Variants in CDKN2B-AS1 observed in about 807,000 individuals in gnomAD.
CDKN2B-AS1 encodes the protein CDKN2B antisense RNA 1 (non-protein coding).
intron 1 of CDKN2B-AS1, among the ~76,000 whole-genome samples, chr9:22,021,089 A>G (rs1401421818): frequency 6.6e-6 from 1 of 152,198 alleles, no homozygotes. Flanking sequence ...AATCTTCTGC[A>G]TATGGCTAGC....
intron 4 of CDKN2B-AS1, among the ~76,000 whole-genome samples, chr9:22,112,843 C>T (rs1320950488): frequency 6.6e-6 from 1 of 152,016 alleles, no homozygotes; most frequent in Non-Finnish European, 1.5e-5. Flanking sequence ...TAAAAGTCCA[C>T]AAGTTCAGAA....
In CDKN2B-AS1 at chr9:22,005,972, C is replaced by T. The variant is rs2131179992; in HGVS notation, n.29+10811C>T. On this transcript the variant is annotated intron_variant and non_coding_transcript_variant, in intron 1 of 4. Transcript: ENST00000650946. The surrounding 1 kb of genome is among the most constrained non-coding windows in gnomAD (Gnocchi z 4.9). ...AAGAAAATAAAGTCGTTGTGGGCGGCTGGGGAACCTGGCGTCAGTCCCCCG... is the reference window on the plus strand; with the variant it reads ...AAGAAAATAAAGTCGTTGTGGGCGGTTGGGGAACCTGGCGTCAGTCCCCCG... 1 of 1,600,234 alleles carries T rather than the reference C, an allele frequency of 6.2e-7. No individual in the cohort carries two copies. The highest frequency in any genetic ancestry group is 8.5e-7 in the Non-Finnish European group (1 of 1,179,672).
intron 4 of CDKN2B-AS1, among the ~76,000 whole-genome samples, chr9:22,123,367 G>A (rs190255850): frequency 6.6e-6 from 1 of 152,206 alleles, no homozygotes; most frequent in African/African-American, 2.4e-5. Context: ...AGTTGCTTGG[G>A]CTAGGACTTC....
intron 1 of CDKN2B-AS1, among the ~76,000 whole-genome samples, chr9:22,028,616 A>C (rs967929377): frequency 6.6e-6 from 1 of 152,162 alleles, no homozygotes; most frequent in Non-Finnish European, 1.5e-5. Context: ...TTTCAAAACA[A>C]ATTAAAATCA....
intron 4 of CDKN2B-AS1, among the ~76,000 whole-genome samples, chr9:22,087,558 G>C (rs1824907531): frequency 6.6e-6 from 1 of 152,176 alleles, no homozygotes; most frequent in African/African-American, 2.4e-5. Context: ...GAAATGCCTA[G>C]TGGAAATTTC....
intron 1 of CDKN2B-AS1, among the ~76,000 whole-genome samples, chr9:22,026,073 C>T (rs1471232931): frequency 1.3e-5 from 2 of 149,830 alleles, no homozygotes; most frequent in African/African-American, 2.5e-5. Context: ...TGATGAGGAA[C>T]GGGATTGGGG....
At chr9:22,059,097 C>T (rs1000092802) in intron 4 of CDKN2B-AS1, 10 of 152,434 alleles carry the variant, frequency 6.6e-5, no homozygotes, top group African/African-American at 2.2e-4. Flanking sequence ...TAATTTCACC[C>T]CTGGCCCCTC....
At chr9:22,033,914 G>T (rs548871606) in intron 1 of CDKN2B-AS1, among the ~76,000 whole-genome samples, 5 of 152,118 alleles carry the variant, frequency 3.3e-5, no homozygotes, top group Non-Finnish European at 7.4e-5. Context: ...ATATTGCATT[G>T]AGGCTTAAAG....
At chr9:22,110,906 AAATTTGATGTAAATGT>A in intron 4 of CDKN2B-AS1, among the ~76,000 whole-genome samples, 1 of 152,180 alleles carries the variant, frequency 6.6e-6, no homozygotes, top group Middle Eastern at 3.4e-3. Flanking sequence ...ACTTGTTTTT[AAATTTGATGTAAATGT>A]AATCCTATAG....
chr9:22,117,083 A>C (rs932274791), intron 4 of CDKN2B-AS1, among the ~76,000 whole-genome samples: 4 of 152,238 alleles, frequency 2.6e-5, no homozygotes, highest in African/African-American at 9.6e-5. Flanking sequence ...AATGTTATGC[A>C]TCTTATGCAT....
In CDKN2B-AS1 at chr9:22,114,496, A is replaced by C. The variant is rs10738609; in HGVS notation, n.439-12607A>C. On this transcript the variant is annotated intron_variant and non_coding_transcript_variant, in intron 4 of 4. Coordinates refer to ENST00000650946, the Ensembl canonical transcript of CDKN2B-AS1. ...TGGCTACTATGTAAGACTCATCCCC[A>C]TGAAGGAGAAAGGAGAGGAAGGCAA... Among the ~76,000 whole-genome samples the C allele has an allele frequency of 2.3e-3, 343 of 152,150 alleles. 1 individual carries two copies. The highest frequency in any genetic ancestry group is 0.017 in the Middle Eastern group (5 of 294).
At chr9:22,122,075 T>G (rs1587557113) in intron 4 of CDKN2B-AS1, among the ~76,000 whole-genome samples, 1 of 147,842 alleles carries the variant, frequency 6.8e-6, no homozygotes, top group East Asian at 2.0e-4. Flanking sequence ...TTTTTTTTTG[T>G]CTCTTTGACA....
At chr9:22,083,427 G>C (rs1824766129) in intron 4 of CDKN2B-AS1, among the ~76,000 whole-genome samples, 1 of 152,142 alleles carries the variant, frequency 6.6e-6, no homozygotes, top group South Asian at 2.1e-4. Context: ...CAGAGAGGAA[G>C]GTACAGATAT....
At chr9:22,064,407 G>C (rs904930957) in intron 4 of CDKN2B-AS1, among the ~76,000 whole-genome samples, 6 of 152,104 alleles carry the variant, frequency 3.9e-5, no homozygotes, top group African/African-American at 1.4e-4. Context: ...ATTGGGGATG[G>C]GGTCTTTCAC....
At chr9:22,011,597 G>A (rs1169865123) in intron 1 of CDKN2B-AS1, among the ~76,000 whole-genome samples, 1 of 152,108 alleles carries the variant, frequency 6.6e-6, no homozygotes, top group Admixed American at 6.5e-5. Flanking sequence ...TGTCATGGTA[G>A]GCTTAACTGG....
At chr9:22,017,000 CTT>C (rs958443170) in intron 1 of CDKN2B-AS1, among the ~76,000 whole-genome samples, 2 of 152,160 alleles carry the variant, frequency 1.3e-5, no homozygotes, top group African/African-American at 4.8e-5. Context: ...AACTATTAGT[CTT>C]TGACAAAATC....
chr9:22,078,470 C>T (rs1028429724), intron 4 of CDKN2B-AS1, among the ~76,000 whole-genome samples: 1 of 152,136 alleles, frequency 6.6e-6, no homozygotes, highest in African/African-American at 2.4e-5. Flanking sequence ...GGCAGTTAGG[C>T]CTTTACTTAC....
intron 4 of CDKN2B-AS1, among the ~76,000 whole-genome samples, chr9:22,121,636 G>T (rs1826106502): frequency 6.6e-6 from 1 of 151,966 alleles, no homozygotes; most frequent in Non-Finnish European, 1.5e-5. Flanking sequence ...TTCTGTATGT[G>T]AGTGAGAACA....
At chr9:22,093,601 T>C (rs1040573352) in intron 4 of CDKN2B-AS1, among the ~76,000 whole-genome samples, 1 of 135,394 alleles carries the variant, frequency 7.4e-6, no homozygotes, top group Non-Finnish European at 1.5e-5. Flanking sequence ...TTTGATTTTG[T>C]TGGTTTAAAG....
Sources: gnomAD v4.1 joint callset for allele counts (sites outside exome capture counted in the v4.1 genomes callset) on GRCh38, gnomAD v4.1.1 for gene constraint, Gnocchi (gnomAD v3.1) non-coding constraint, MANE v1.5 for transcripts, NCBI Gene and HGNC (gene_info 2026-07-23, HGNC 2026-07-21) for gene names.